Variants in FNDC3B observed in about 807,000 individuals in gnomAD.
FNDC3B encodes the protein fibronectin type III domain containing 3B.
In FNDC3B, 12 loss-of-function variants were observed where a neutral mutation model predicts 151.5. The observed-to-expected ratio is 0.08, with a 90% CI of 0.05 to 0.13. The LOEUF is 0.13. FNDC3B is among the 10% of genes least tolerant of loss of function. The pLI is 1.00. For synonymous variants in FNDC3B, 528 were observed against 549.0 expected, an observed-to-expected ratio of 0.96 and a Z score of 0.54; for missense variants, 1,214 against 1,505.3, an observed-to-expected ratio of 0.81 and a Z score of 3.20.
chr3:172,311,410 G>C (rs931330213), intron 11 of FNDC3B, among the ~76,000 whole-genome samples: 3 of 152,076 alleles, frequency 2.0e-5, no homozygotes, highest in African/African-American at 7.2e-5. Flanking sequence ...CCCCCTTGCT[G>C]TTCATGTCAC....
intron 2 of FNDC3B, among the ~76,000 whole-genome samples, chr3:172,125,332 C>T (rs983804358): frequency 5.8e-5 from 8 of 138,268 alleles, no homozygotes; most frequent in Admixed American, 3.4e-4. Flanking sequence ...AGCCCCAGTC[C>T]GGGTCACAGC....
In FNDC3B at chr3:172,075,819, C is replaced by T. The variant is rs1307526926; in HGVS notation, c.-29+36048C>T. Reference sequence around the variant, plus strand: ...AAAAGTTTCACAAATCAATACTTGCCTTTTTCCTTTGTGATGCAATTCTAT... The same window carrying T: ...AAAAGTTTCACAAATCAATACTTGCTTTTTTCCTTTGTGATGCAATTCTAT... On this transcript the variant is annotated intron_variant, in intron 1 of 25. Transcript: ENST00000415807. Among the ~76,000 whole-genome samples the T allele has an allele frequency of 2.6e-5, 4 of 151,580 alleles. No individual in the cohort carries two copies. The East Asian group carries it at 7.8e-4, about 29-fold the overall frequency.
chr3:172,317,423 A>G (rs541857077), intron 11 of FNDC3B, among the ~76,000 whole-genome samples: 9 of 151,834 alleles, frequency 5.9e-5, no homozygotes, highest in Non-Finnish European at 1.2e-4. Context: ...TGACCTCGTG[A>G]TCCGCCTGCC....
At chr3:172,316,319 CAT>C (rs1431965832) in intron 11 of FNDC3B, 1 of 434,416 alleles carries the variant, frequency 2.3e-6, no homozygotes, top group African/African-American at 2.1e-5. Context: ...TTCTTGATGA[CAT>C]ATCACTATCT....
rs1383016263 is a variant in FNDC3B, at chr3:172,341,133, T to C, written c.1873T>C (p.Tyr625His). The C allele has an allele frequency of 2.5e-6, 4 of 1,613,962 alleles. No homozygotes were observed. Among genetic ancestry groups the C allele is most frequent in the Non-Finnish European group, 2.5e-6 (3 of 1,179,790 alleles). ...NSEANQWEVA[Y>H]SGSATEYTFT... ...TACAGCGAATCAGTGGGAAGTGGCCTACAGTGGGTCGGCTACCGAATACAC... is the reference window on the plus strand; with the variant it reads ...TACAGCGAATCAGTGGGAAGTGGCCCACAGTGGGTCGGCTACCGAATACAC... Residue 625 changes from tyrosine (Y) to histidine (H), a missense_variant, in exon 17 of 26, where the codon TAC (tyrosine) becomes CAC (histidine). Tyr to His is a moderately conservative substitution (Grantham distance 83). Transcript: ENST00000415807.
At chr3:172,365,904 G>T (rs1734599269) in intron 23 of FNDC3B, among the ~76,000 whole-genome samples, 1 of 151,978 alleles carries the variant, frequency 6.6e-6, no homozygotes, top group African/African-American at 2.4e-5. Context: ...CTAAACTATT[G>T]CTCTCCAAAT....
chr3:172,317,186 T>C (rs1460147913), intron 11 of FNDC3B: 4 of 442,168 alleles, frequency 9.0e-6, no homozygotes, highest in Non-Finnish European at 1.8e-5. Context: ...TTTTTCTTTT[T>C]TTCTTTTTTT....
chr3:172,192,868 C>T (rs1398737397), intron 3 of FNDC3B, among the ~76,000 whole-genome samples: 2 of 151,958 alleles, frequency 1.3e-5, no homozygotes, highest in Non-Finnish European at 2.9e-5. Context: ...GCAGTTTATT[C>T]CCCTAGACTG....
chr3:172,162,746 C>A (rs1722841394), intron 3 of FNDC3B, among the ~76,000 whole-genome samples: 1 of 151,004 alleles, frequency 6.6e-6, no homozygotes, highest in Non-Finnish European at 1.5e-5. Context: ...CAGGGATCGG[C>A]ATTCACATAC....
intron 1 of FNDC3B, among the ~76,000 whole-genome samples, chr3:172,080,490 C>G (rs995638050): frequency 1.3e-5 from 2 of 151,140 alleles, no homozygotes; most frequent in Admixed American, 6.6e-5. Flanking sequence ...ATTTCCCAGG[C>G]TGGTCTTGAA....
At chr3:172,090,444 A>G (rs1346407700) in intron 1 of FNDC3B, among the ~76,000 whole-genome samples, 2 of 152,098 alleles carry the variant, frequency 1.3e-5, no homozygotes, top group African/African-American at 2.4e-5. Context: ...AAACAAACAA[A>G]CAAACAAACA....
intron 1 of FNDC3B, among the ~76,000 whole-genome samples, chr3:172,095,793 AAAC>A (rs948245937): frequency 5.8e-5 from 1 of 17,304 alleles, no homozygotes; most frequent in Non-Finnish European, 1.1e-4. Context: ...TTTGTTAAAA[AAAC>A]AAACAAACAA....
intron 13 of FNDC3B, 51 bp from the exon 14 acceptor site, chr3:172,333,038 A>T: frequency 8.5e-7 from 1 of 1,170,760 alleles, no homozygotes; most frequent in Non-Finnish European, 1.3e-6. Flanking sequence ...AAAGGTATTT[A>T]ATGCCCAGAA....
At position 172,161,085 on chromosome 3, in the gene FNDC3B, C is replaced by G. The variant is rs188672214; in HGVS notation, c.187+27539C>G. Among the ~76,000 whole-genome samples, 33 of 152,212 alleles carry G rather than the reference C, an allele frequency of 2.2e-4. No individual in the cohort carries two copies. In the East Asian group the frequency reaches 5.6e-3, roughly 26 times the overall value. On this transcript the variant is annotated intron_variant, in intron 3 of 25. Coordinates refer to ENST00000415807, the MANE Select transcript of FNDC3B (RefSeq NM_022763.4). ...AGTGACTATTCTTGGTATGTTATTT[C>G]TGTAATTTCTTAGTTGTGTTCATTA...
rs1278597959 is a variant in FNDC3B, at chr3:172,040,634, T to G, written c.-29+863T>G. ...GGCCAGCGGAGCTCCGGTCAGTCGG[T>G]CACCCCGAGGGGCGCCTCGGCCGGG... On this transcript the variant is annotated intron_variant, in intron 1 of 25. Transcript: ENST00000415807. This position sits in a 1 kb window ranked among gnomAD's most constrained non-coding sequence, Gnocchi z 6.6. 1.3e-5 allele frequency: 2 copies of G among 150,552 alleles called. No individual in the cohort carries two copies. Among genetic ancestry groups the G allele is most frequent in the Admixed American group, 6.6e-5 (1 of 15,180 alleles). 9.3% of individuals were successfully genotyped at this position (150,552 alleles called of 1,614,324 possible).
chr3:172,321,133 A>G (rs1196181459), intron 11 of FNDC3B, among the ~76,000 whole-genome samples: 2 of 152,344 alleles, frequency 1.3e-5, no homozygotes, highest in East Asian at 3.9e-4. Flanking sequence ...AGAGAGGTGG[A>G]AAGCTGGTTA....
At position 172,144,329 on chromosome 3, in the gene FNDC3B, T is replaced by C. The variant is rs140712881; in HGVS notation, c.187+10783T>C. The stretch of plus-strand genomic sequence containing the variant: ...CTCCCAGCAGGCCCCACCTCCAACG[T>C]TGGGAGTCACATCTCAGTGTGAGAT... On this transcript the variant is annotated intron_variant, in intron 3 of 25. Transcript: ENST00000415807. Among the ~76,000 whole-genome samples the C allele has an allele frequency of 3.4e-3, 510 of 152,212 alleles. 4 individuals are homozygous for C. The highest frequency in any genetic ancestry group is 0.012 in the African/African-American group (486 of 41,534).
At chr3:172,067,210 T>C (rs914681025) in intron 1 of FNDC3B, among the ~76,000 whole-genome samples, 3 of 152,236 alleles carry the variant, frequency 2.0e-5, no homozygotes, top group African/African-American at 7.2e-5. Flanking sequence ...ACTGTTTAGA[T>C]ATTATTCAGA....
At chr3:172,065,403 A>G (rs1717448661) in intron 1 of FNDC3B, among the ~76,000 whole-genome samples, 1 of 152,230 alleles carries the variant, frequency 6.6e-6, no homozygotes, top group Non-Finnish European at 1.5e-5. Context: ...GGACATACAT[A>G]GGATTCATTT....
Sources: gnomAD v4.1 joint callset for allele counts (sites outside exome capture counted in the v4.1 genomes callset) on GRCh38, gnomAD v4.1.1 for gene constraint, Gnocchi (gnomAD v3.1) non-coding constraint, MANE v1.5 for transcripts, NCBI Gene and HGNC (gene_info 2026-07-23, HGNC 2026-07-21) for gene names.